Variants in MSR1 observed in about 807,000 individuals in gnomAD.
The protein encoded by MSR1 is macrophage scavenger receptor types I and II.
Under a neutral mutation model 47.2 loss-of-function variants are expected in MSR1, and 53 were observed. That is an observed-to-expected ratio of 1.12 (90% CI 0.90 to 1.41). The LOEUF is 1.41. MSR1 is among the 40% of genes most tolerant of loss of function. The probability of loss-of-function intolerance (pLI) is 0.00; values close to 1 mark genes in which losing one functional copy is unlikely to be tolerated. For missense variants in MSR1, 786 were observed against 546.9 expected, an observed-to-expected ratio of 1.44 and a Z score of -4.36; for synonymous variants, 239 against 185.6, an observed-to-expected ratio of 1.29 and a Z score of -2.34.
chr8:16,167,036 T>C (rs1265468467), intron 4 of MSR1, among the ~76,000 whole-genome samples: 2 of 152,120 alleles, frequency 1.3e-5, no homozygotes, highest in Non-Finnish European at 2.9e-5. Context: ...AAGATGTATA[T>C]AGCTTTCAAA....
chr8:16,139,331 G>C, intron 8 of MSR1: 2 of 976,038 alleles, frequency 2.0e-6, no homozygotes, highest in South Asian at 9.5e-5. Context: ...ATCTTTAAAG[G>C]ACTTTATGAT....
Position 16,122,469 on chromosome 8 carries a change from AG to A in MSR1, c.1034-1864del, listed in dbSNP as rs376886348. 3.2e-4 allele frequency among the ~76,000 whole-genome samples: 49 copies of A among 152,280 alleles called. No individual in the cohort carries two copies. In the South Asian group the frequency reaches 4.8e-3, roughly 15 times the overall value. ...GCATACTCAAACATTTGATTATATG[AG>A]CATCGTTGTCCTGTTGTCCAAACAA... On this transcript the variant is annotated intron_variant, in intron 8 of 9. Transcript: ENST00000262101.
intron 8 of MSR1, chr8:16,140,485 G>A (rs955145591): frequency 1.4e-5 from 14 of 990,932 alleles, no homozygotes; most frequent in Middle Eastern, 1.0e-3. Flanking sequence ...TTGCGCATGA[G>A]CAAAGCATGG....
chr8:16,182,968 C>G lies in MSR1; in HGVS notation c.-4-4976G>C, dbSNP rs542936527. On this transcript the variant is annotated intron_variant, in intron 1 of 9. Coordinates refer to ENST00000262101, the MANE Select transcript of MSR1 (RefSeq NM_138715.3). ...GGCAGAGCAGTAGGCTTGTTTACAC[C>G]AGCATCACCACAAATATGTGAGTAA... 2.6e-5 allele frequency among the ~76,000 whole-genome samples: 4 copies of G among 152,170 alleles called. No individual in the cohort carries two copies. The South Asian group carries it at 8.3e-4, about 32-fold the overall frequency.
intron 1 of MSR1, among the ~76,000 whole-genome samples, chr8:16,185,285 A>G (rs949992314): frequency 6.6e-6 from 1 of 152,120 alleles, no homozygotes; most frequent in Non-Finnish European, 1.5e-5. Context: ...CATGGCTTGA[A>G]CTACTGCCTG....
intron 6 of MSR1, among the ~76,000 whole-genome samples, chr8:16,152,688 G>A (rs1226169411): frequency 1.3e-5 from 2 of 152,022 alleles, no homozygotes; most frequent in Non-Finnish European, 2.9e-5. Flanking sequence ...CTTTAGAAAA[G>A]AAAGTTGCTT....
intron 8 of MSR1, among the ~76,000 whole-genome samples, chr8:16,137,147 G>A (rs939931634): frequency 1.3e-5 from 2 of 152,078 alleles, no homozygotes; most frequent in Non-Finnish European, 2.9e-5. Context: ...AATATTAACA[G>A]GTAGCTCTTC....
At chr8:16,169,796 A>G (rs1427401307) in intron 3 of MSR1, among the ~76,000 whole-genome samples, 2 of 152,084 alleles carry the variant, frequency 1.3e-5, no homozygotes, top group African/African-American at 2.4e-5. Context: ...TGCCAGATTT[A>G]TTTAAAAAAT....
At position 16,150,233 on chromosome 8, in the gene MSR1, G is replaced by T; in HGVS notation, c.977C>A (p.Pro326Gln). ...GAAAATACACATTATTGTAATACCT[G>T]GCCTTCCGGCATATCCTGGGAGTCC... is the stretch of plus-strand genomic sequence containing the variant. ...SRGLPGYAGRPGNSGPKGQKG... is the reference protein window; with the variant it reads ...SRGLPGYAGRQGNSGPKGQKG... Residue 326 changes from proline (P) to glutamine (Q), a missense_variant and splice_region_variant, in exon 7 of 10, where the codon CCA becomes CAA. By Grantham distance (76) the Pro-to-Gln change is moderately conservative. Coordinates refer to ENST00000262101, the MANE Select transcript of MSR1 (RefSeq NM_138715.3). 1.3e-6 allele frequency: 2 copies of T among 1,520,666 alleles called. No homozygotes were observed. Among genetic ancestry groups the T allele is most frequent in the African/African-American group, 1.4e-5 (1 of 71,082 alleles). The allele number at this position is 1,520,666 out of a possible 1,614,324, so 94.2% of individuals were successfully genotyped here.
At chr8:16,120,380 C>A in intron 9 of MSR1, 38 bp downstream of exon 9, 1 of 1,598,714 alleles carries the variant, frequency 6.3e-7, no homozygotes, top group South Asian at 1.1e-5. Context: ...CTGTCTGAAA[C>A]AACAACAACA....
At chr8:16,169,906 T>C (rs535789524) in intron 3 of MSR1, among the ~76,000 whole-genome samples, 1 of 152,192 alleles carries the variant, frequency 6.6e-6, no homozygotes, top group Non-Finnish European at 1.5e-5. Context: ...AATTATATTC[T>C]AAAATAGTAT....
rs1156638166 is a variant in MSR1 at position 16,129,765 on chromosome 8, G to T, written c.1034-9159C>A. Among the ~76,000 whole-genome samples, 21 of 78,768 alleles carry T rather than the reference G, an allele frequency of 2.7e-4. 1 individual carries two copies. Among genetic ancestry groups the T allele is most frequent in the Non-Finnish European group, 8.7e-4 (21 of 24,142 alleles). The allele number at this position is 78,768 out of a possible 152,430, so 51.7% of individuals were successfully genotyped here. A position where few individuals can be genotyped will look rare whatever the true frequency, so the allele number is the denominator to read the frequency against. On this transcript the variant is annotated intron_variant, in intron 8 of 9. Coordinates refer to ENST00000262101, the MANE Select transcript of MSR1 (RefSeq NM_138715.3). ...TATCCCCTCAACACGCCCTAAAAAA[G>T]ATTTACATCTTAAGGGCAGGACATT...
chr8:16,180,421 A>G (rs2117217886), intron 1 of MSR1, among the ~76,000 whole-genome samples: 1 of 152,316 alleles, frequency 6.6e-6, no homozygotes, highest in Admixed American at 6.5e-5. Context: ...TTGCAATTCC[A>G]ACAAATTCTC....
intron 3 of MSR1, among the ~76,000 whole-genome samples, chr8:16,174,246 G>T (rs10095512): frequency 0.43 from 64,522 of 151,460 alleles, 14,074 homozygotes; most frequent in South Asian, 0.5. Context: ...TGGTCTTTAG[G>T]AACTTTTTTG....
chr8:16,135,494 G>A (rs1800367196), intron 8 of MSR1, among the ~76,000 whole-genome samples: 1 of 152,046 alleles, frequency 6.6e-6, no homozygotes, highest in Admixed American at 6.6e-5. Flanking sequence ...ACTGCTCATT[G>A]AGAGTGCACC....
At chr8:16,182,810 T>C (rs1801874065) in intron 1 of MSR1, among the ~76,000 whole-genome samples, 2 of 152,196 alleles carry the variant, frequency 1.3e-5, no homozygotes, top group African/African-American at 4.8e-5. Flanking sequence ...GTTGAATCTT[T>C]TTTTATAAAT....
At chr8:16,187,944 A>G (rs1802050647) in intron 1 of MSR1, among the ~76,000 whole-genome samples, 1 of 152,160 alleles carries the variant, frequency 6.6e-6, no homozygotes, top group Non-Finnish European at 1.5e-5. Flanking sequence ...TAACGTGAAC[A>G]TACATACTTG....
intron 9 of MSR1, among the ~76,000 whole-genome samples, chr8:16,114,214 C>T (rs1443842218): frequency 1.5e-5 from 2 of 134,262 alleles, no homozygotes; most frequent in African/African-American, 5.1e-5. Flanking sequence ...TTTTGATTGC[C>T]TTCTGTTTAC....
At chr8:16,111,989 A>G (rs775842887) in intron 9 of MSR1, among the ~76,000 whole-genome samples, 6 of 152,134 alleles carry the variant, frequency 3.9e-5, no homozygotes, top group Non-Finnish European at 5.9e-5. Context: ...ACGAGTGAAC[A>G]AGACCAAACT....
Sources: allele counts gnomAD v4.1 joint callset (sites outside exome capture counted in the v4.1 genomes callset), GRCh38; gene constraint gnomAD v4.1.1; transcripts MANE v1.5; gene names NCBI Gene and HGNC (gene_info 2026-07-23, HGNC 2026-07-21).